The following FHIT variants were observed in gnomAD, a reference collection of about 807,000 sequenced individuals.
FHIT encodes fragile histidine triad diadenosine triphosphatase, also known as bis(5'-adenosyl)-triphosphatase.
A neutral mutation model predicts 17.9 loss-of-function variants in FHIT; 19 were observed. The ratio of observed to expected loss-of-function variants is 1.06; its 90% CI spans 0.74 to 1.56. The LOEUF (loss-of-function observed/expected upper bound fraction) is 1.56. FHIT is among the 40% of genes most tolerant of loss of function. The probability of loss-of-function intolerance (pLI) is 0.00; values close to 1 mark genes in which losing one functional copy is unlikely to be tolerated. For missense variants in FHIT, 248 were observed against 189.2 expected, an observed-to-expected ratio of 1.31 and a Z score of -1.82; for synonymous variants, 81 against 69.7, an observed-to-expected ratio of 1.16 and a Z score of -0.81.
chr3:60,994,544 G>A (rs868268585), intron 3 of FHIT, among the ~76,000 whole-genome samples: 8 of 152,260 alleles, frequency 5.3e-5, no homozygotes, highest in Middle Eastern at 3.4e-3. Flanking sequence ...TTCTCCATTT[G>A]TAAAATGGAA....
chr3:59,991,946 A>G (rs1470213925), intron 7 of FHIT, among the ~76,000 whole-genome samples: 2 of 152,040 alleles, frequency 1.3e-5, no homozygotes, highest in East Asian at 3.9e-4. Flanking sequence ...GACCCAATAA[A>G]TCATCCATTT....
chr3:61,169,066 T>C (rs2037922742), intron 2 of FHIT, among the ~76,000 whole-genome samples: 1 of 152,224 alleles, frequency 6.6e-6, no homozygotes, highest in Non-Finnish European at 1.5e-5. Flanking sequence ...AAGTCAAAGA[T>C]GGCCTCCACC....
chr3:61,148,933 G>A (rs1476485475), intron 2 of FHIT, among the ~76,000 whole-genome samples: 2 of 152,178 alleles, frequency 1.3e-5, no homozygotes, highest in Non-Finnish European at 2.9e-5. Context: ...ATATGCCCCA[G>A]TGGGGACTGC....
intron 5 of FHIT, among the ~76,000 whole-genome samples, chr3:60,205,064 C>A (rs1703110075): frequency 6.6e-6 from 1 of 151,076 alleles, no homozygotes; most frequent in Non-Finnish European, 1.5e-5. Context: ...CCACTGCTCT[C>A]CAGCTTGGGT....
At chr3:60,442,243 C>T (rs398084) in intron 5 of FHIT, among the ~76,000 whole-genome samples, 28,465 of 151,830 alleles carry the variant, frequency 0.19, 4,185 homozygotes, top group African/African-American at 0.4. Context: ...TGCCACATAC[C>T]TAAGGTTCCT....
At chr3:59,801,547 A>G (rs1300096863) in intron 8 of FHIT, among the ~76,000 whole-genome samples, 2 of 152,162 alleles carry the variant, frequency 1.3e-5, no homozygotes, top group African/African-American at 2.4e-5. Flanking sequence ...AAAAAGAAAA[A>G]CAAAAGAAGA....
At chr3:60,055,212 C>T (rs1166176492) in intron 5 of FHIT, among the ~76,000 whole-genome samples, 1 of 152,070 alleles carries the variant, frequency 6.6e-6, no homozygotes, top group African/African-American at 2.4e-5. Flanking sequence ...TCCAAAACAC[C>T]ACTGGGGTTC....
chr3:60,626,803 T>TTTTA (rs1553681106), intron 4 of FHIT, among the ~76,000 whole-genome samples: 8 of 67,404 alleles, frequency 1.2e-4, no homozygotes, highest in East Asian at 6.0e-4. Context: ...TTTTTTTTTT[T>TTTTA]ACGTTAAGTA....
chr3:61,173,586 G>A (rs895552773), intron 2 of FHIT, among the ~76,000 whole-genome samples: 2 of 152,114 alleles, frequency 1.3e-5, no homozygotes, highest in African/African-American at 4.8e-5. Context: ...GCAAAACATA[G>A]TTCTCATTTT....
At chr3:60,456,944 T>C (rs1346401369) in intron 5 of FHIT, among the ~76,000 whole-genome samples, 1 of 152,086 alleles carries the variant, frequency 6.6e-6, no homozygotes, top group African/African-American at 2.4e-5. Context: ...TACAAACAAA[T>C]GGAAGAACAT....
chr3:60,195,642 C>G (rs1308527033), intron 5 of FHIT, among the ~76,000 whole-genome samples: 1 of 143,388 alleles, frequency 7.0e-6, no homozygotes, highest in African/African-American at 2.6e-5. Flanking sequence ...TACATATAAA[C>G]ATGATATATA....
intron 3 of FHIT, among the ~76,000 whole-genome samples, chr3:60,890,987 G>A (rs1186094274): frequency 6.6e-6 from 1 of 152,200 alleles, no homozygotes; most frequent in African/African-American, 2.4e-5. Context: ...TCAATAGGTT[G>A]AAGATCTCAT....
intron 5 of FHIT, among the ~76,000 whole-genome samples, chr3:60,049,425 C>T (rs1265291746): frequency 6.6e-6 from 1 of 150,490 alleles, no homozygotes; most frequent in East Asian, 1.9e-4. Flanking sequence ...TATGAGAATA[C>T]TTTTAAATAT....
intron 4 of FHIT, among the ~76,000 whole-genome samples, chr3:60,701,777 T>C (rs1553702204): frequency 6.6e-6 from 1 of 152,210 alleles, no homozygotes; most frequent in African/African-American, 2.4e-5. Context: ...AGTGTGTTAG[T>C]CCTATAAAGG....
intron 5 of FHIT, among the ~76,000 whole-genome samples, chr3:60,173,915 A>ATATATATATATTTTTTT: frequency 4.5e-5 from 3 of 66,442 alleles, no homozygotes; most frequent in Non-Finnish European, 8.3e-5. Flanking sequence ...ATATATATAT[A>ATATATATATATTTTTTT]TGTTTTTTTT....
At chr3:61,127,545 C>T (rs1311639693) in intron 2 of FHIT, among the ~76,000 whole-genome samples, 1 of 152,108 alleles carries the variant, frequency 6.6e-6, no homozygotes, top group Admixed American at 6.5e-5. Context: ...TTTCATCTCT[C>T]ACAGTTAAAT....
intron 5 of FHIT, among the ~76,000 whole-genome samples, chr3:60,293,590 T>G (rs1156710064): frequency 6.6e-6 from 1 of 152,086 alleles, no homozygotes; most frequent in Non-Finnish European, 1.5e-5. Flanking sequence ...TTATAGGGCA[T>G]AGGGAAAGAG....
intron 3 of FHIT, among the ~76,000 whole-genome samples, chr3:61,038,602 T>C (rs749823981): frequency 2.6e-5 from 4 of 152,226 alleles, no homozygotes; most frequent in Non-Finnish European, 4.4e-5. Context: ...TTGCTTGATA[T>C]AATAATGGCA....
In FHIT at chr3:60,448,987, A is replaced by G. The variant is rs115889642; in HGVS notation, c.103+87873T>C. Among the ~76,000 whole-genome samples, 1,128 of 152,276 alleles carry G rather than the reference A, an allele frequency of 7.4e-3. 11 individuals are homozygous for G. Among genetic ancestry groups the G allele is most frequent in the Non-Finnish European group, 8.2e-3 (556 of 68,022 alleles). On this transcript the variant is annotated intron_variant, in intron 5 of 9. Transcript: ENST00000492590. ...AGTAATTCGGTAGGTTTGGAAAATG[A>G]AGCATCTGGTCTGCTCTTTTCCACA...
Sources: gnomAD v4.1 joint callset for allele counts (sites outside exome capture counted in the v4.1 genomes callset) on GRCh38, gnomAD v4.1.1 for gene constraint, MANE v1.5 for transcripts, NCBI Gene and HGNC (gene_info 2026-07-23, HGNC 2026-07-21) for gene names.